Variants in ZFAND3 observed in about 807,000 individuals in gnomAD.
ZFAND3 encodes the protein AN1-type zinc finger protein 3.
In ZFAND3, 10 loss-of-function variants were observed where a neutral mutation model predicts 29.6. The observed-to-expected ratio is 0.34, with a 90% CI of 0.21 to 0.57. ZFAND3 has a LOEUF of 0.57. ZFAND3 is among the 20% of genes least tolerant of loss of function. The pLI is 0.86. For missense variants in ZFAND3, 230 were observed against 304.5 expected, an observed-to-expected ratio of 0.76 and a Z score of 1.82; for synonymous variants, 128 against 112.6, an observed-to-expected ratio of 1.14 and a Z score of -0.87.
intron 1 of ZFAND3, among the ~76,000 whole-genome samples, chr6:37,894,975 C>T (rs915524419): frequency 1.3e-5 from 2 of 151,914 alleles, no homozygotes; most frequent in Non-Finnish European, 1.5e-5. Flanking sequence ...ATGTGATGTG[C>T]GTTGGTGTAG....
rs181896509 is a variant in ZFAND3 at position 37,855,567 on chromosome 6, G to A, written c.71+35551G>A. 1.4e-4 allele frequency among the ~76,000 whole-genome samples: 22 copies of A among 152,258 alleles called. No individual in the cohort carries two copies. The East Asian group carries it at 4.0e-3, about 28-fold the overall frequency. ...CAGAGGTTTGAACCTAATGAAAGAGGGAAGGAATTTAGTTTTGATGTTAGA... is the reference window on the plus strand; with the variant it reads ...CAGAGGTTTGAACCTAATGAAAGAGAGAAGGAATTTAGTTTTGATGTTAGA... On this transcript the variant is annotated intron_variant, in intron 1 of 5. Transcript: ENST00000287218.
rs577224893 is a variant in ZFAND3 at position 38,143,230 on chromosome 6, G to A, written c.530-9005G>A. Reference sequence around the variant, plus strand: ...GTAATTAGAGCTTTTGCAAGAATGGGGCTGTCTGGAGAAACAATAATAAAG... The same window carrying A: ...GTAATTAGAGCTTTTGCAAGAATGGAGCTGTCTGGAGAAACAATAATAAAG... On this transcript the variant is annotated intron_variant, in intron 5 of 5. Transcript: ENST00000287218. 7 of 152,322 alleles carry A rather than the reference G, an allele frequency of 4.6e-5. No homozygotes were observed. The East Asian group carries it at 1.2e-3, about 25-fold the overall frequency. The allele number at this position is 152,322 out of a possible 1,614,324, so 9.4% of individuals were successfully genotyped here.
intron 1 of ZFAND3, among the ~76,000 whole-genome samples, chr6:37,856,437 A>G (rs757981396): frequency 6.6e-6 from 1 of 152,178 alleles, no homozygotes; most frequent in Admixed American, 6.5e-5. Flanking sequence ...TGTTTCTTTC[A>G]GTATTCAGCA....
At chr6:38,050,359 C>T (rs762843281) in intron 2 of ZFAND3, among the ~76,000 whole-genome samples, 11 of 152,068 alleles carry the variant, frequency 7.2e-5, no homozygotes, top group Non-Finnish European at 1.3e-4. Flanking sequence ...ATCCTCCTAC[C>T]TCAGCCTTTC....
chr6:37,986,925 A>C (rs1488481128), intron 2 of ZFAND3, among the ~76,000 whole-genome samples: 1 of 152,226 alleles, frequency 6.6e-6, no homozygotes, highest in African/African-American at 2.4e-5. Context: ...TAAATGTTCC[A>C]GGCACAGGGA....
At chr6:37,992,986 T>C (rs1260893504) in intron 2 of ZFAND3, among the ~76,000 whole-genome samples, 1 of 152,230 alleles carries the variant, frequency 6.6e-6, no homozygotes, top group African/African-American at 2.4e-5. Flanking sequence ...ATGCATTTGT[T>C]ACTGCATCAC....
At chr6:37,929,220 T>C (rs1211103388) in intron 1 of ZFAND3, among the ~76,000 whole-genome samples, 1 of 152,254 alleles carries the variant, frequency 6.6e-6, no homozygotes, top group Non-Finnish European at 1.5e-5. Flanking sequence ...AATTCTAAGG[T>C]ATTTCCTTGT....
intron 2 of ZFAND3, among the ~76,000 whole-genome samples, chr6:38,047,473 A>G (rs572575113): frequency 2.0e-5 from 3 of 152,240 alleles, no homozygotes; most frequent in Admixed American, 1.3e-4. Flanking sequence ...ACAATATTGC[A>G]TATAGTTTAA....
rs17649581 is a variant in ZFAND3 at position 38,082,396 on chromosome 6, G to A, written c.300G>A (p.Gly100=). ...CACCTGCCTTTCTGTTTCTAGGTGG[G>A]CCATGCACAGACACAGCTCATGTCT... The part of the protein sequence containing the change: ...NVTSPSKEEC[G]PCTDTAHVSL... Residue 100 remains glycine (G), a synonymous_variant, in exon 4 of 6, where the codon GGG becomes GGA. Coordinates refer to ENST00000287218, the MANE Select transcript of ZFAND3 (RefSeq NM_021943.3). 0.013 allele frequency: 20,772 copies of A among 1,611,300 alleles called. 173 individuals are homozygous for A. Among genetic ancestry groups the A allele is most frequent in the Non-Finnish European group, 0.015 (17,243 of 1,178,548 alleles).
intron 3 of ZFAND3, among the ~76,000 whole-genome samples, chr6:38,067,683 G>A (rs1383313006): frequency 4.6e-5 from 7 of 152,212 alleles, no homozygotes; most frequent in Admixed American, 4.6e-4. Flanking sequence ...TTTGCAGAGA[G>A]AAAGGATAAT....
intron 3 of ZFAND3, among the ~76,000 whole-genome samples, chr6:38,074,313 T>C (rs1764512431): frequency 6.6e-6 from 1 of 152,228 alleles, no homozygotes; most frequent in African/African-American, 2.4e-5. Context: ...GCAGTTATTT[T>C]TCATAAAAGA....
chr6:37,843,925 C>T (rs542436082), intron 1 of ZFAND3, among the ~76,000 whole-genome samples: 70 of 149,816 alleles, frequency 4.7e-4, no homozygotes, highest in African/African-American at 1.5e-3. Context: ...CTATTGTTTT[C>T]TTTTTTTGGG....
At chr6:38,124,853 C>A (rs971153532) in intron 5 of ZFAND3, among the ~76,000 whole-genome samples, 2 of 152,170 alleles carry the variant, frequency 1.3e-5, no homozygotes, top group Non-Finnish European at 2.9e-5. Context: ...GCGAGGGCTG[C>A]GAGGGCTGCC....
At chr6:38,057,892 TTG>T (rs749706934) in intron 2 of ZFAND3, among the ~76,000 whole-genome samples, 5 of 152,198 alleles carry the variant, frequency 3.3e-5, no homozygotes, top group Admixed American at 1.3e-4. Flanking sequence ...ACTCCTCTCT[TTG>T]TGAGCAGCCA....
chr6:37,852,721 T>TC (rs1764304279), intron 1 of ZFAND3, among the ~76,000 whole-genome samples: 1 of 149,950 alleles, frequency 6.7e-6, no homozygotes, highest in Non-Finnish European at 1.5e-5. Context: ...TCTTTTCTTT[T>TC]TTTTTTTTTT....
At chr6:37,998,691 T>C (rs919054151) in intron 2 of ZFAND3, among the ~76,000 whole-genome samples, 5 of 152,156 alleles carry the variant, frequency 3.3e-5, no homozygotes, top group South Asian at 2.1e-4. Flanking sequence ...TCTGATACTG[T>C]TATACATGTA....
At chr6:38,034,564 G>C (rs1405298941) in intron 2 of ZFAND3, among the ~76,000 whole-genome samples, 1 of 152,160 alleles carries the variant, frequency 6.6e-6, no homozygotes, top group Non-Finnish European at 1.5e-5. Flanking sequence ...TCTTTTGAAA[G>C]ATTCTTGACC....
At chr6:37,982,104 G>C (rs1440225566) in intron 2 of ZFAND3, among the ~76,000 whole-genome samples, 1 of 152,014 alleles carries the variant, frequency 6.6e-6, no homozygotes, top group Non-Finnish European at 1.5e-5. Flanking sequence ...TCAGATGTGC[G>C]TTTGTCTCAT....
chr6:37,834,579 C>CT (rs1032979236), intron 1 of ZFAND3, among the ~76,000 whole-genome samples: 1 of 152,134 alleles, frequency 6.6e-6, no homozygotes, highest in African/African-American at 2.4e-5. Context: ...CTGCGAAACT[C>CT]TAACAAATGA....
Sources: gnomAD v4.1 joint callset for allele counts (sites outside exome capture counted in the v4.1 genomes callset) on GRCh38, gnomAD v4.1.1 for gene constraint, MANE v1.5 for transcripts, NCBI Gene and HGNC (gene_info 2026-07-23, HGNC 2026-07-21) for gene names.